Variants in ADARB2 observed in about 807,000 individuals in gnomAD.
The protein encoded by ADARB2 is inactive double-stranded RNA-specific editase B2.
ADARB2 carries 25 observed loss-of-function variants against 62.2 expected under a neutral mutation model. The observed-to-expected ratio is 0.40, with a 90% CI of 0.29 to 0.56. The LOEUF is 0.56. Among genes scored for constraint, ADARB2 ranks in the 20% least tolerant of loss-of-function variants. ADARB2 has a pLI of 0.43. For missense variants in ADARB2, 1,071 were observed against 1,077.4 expected, an observed-to-expected ratio of 0.99 and a Z score of 0.08; for synonymous variants, 572 against 500.8, an observed-to-expected ratio of 1.14 and a Z score of -1.90.
At chr10:1,630,198 C>T (rs1250497133) in intron 1 of ADARB2, among the ~76,000 whole-genome samples, 1 of 152,214 alleles carries the variant, frequency 6.6e-6, no homozygotes. Context: ...GAAGGGTCCA[C>T]TGTGGCCAGA....
chr10:1,578,381 A>G (rs1833049665), intron 1 of ADARB2, among the ~76,000 whole-genome samples: 1 of 152,276 alleles, frequency 6.6e-6, no homozygotes, highest in African/African-American at 2.4e-5. Context: ...AATTAAAAAT[A>G]TAAACAACTT....
intron 6 of ADARB2, among the ~76,000 whole-genome samples, chr10:1,219,774 G>A (rs374655687): frequency 4.1e-4 from 62 of 151,696 alleles, no homozygotes; most frequent in African/African-American, 1.4e-3. Flanking sequence ...CGGTGGAGAC[G>A]GTGATATGAT....
intron 2 of ADARB2, among the ~76,000 whole-genome samples, chr10:1,377,091 T>G (rs578057192): frequency 4.7e-4 from 61 of 130,132 alleles, no homozygotes; most frequent in Middle Eastern, 9.6e-3. Context: ...GGGGTGTGTG[T>G]GTTTGTGTGC....
intron 1 of ADARB2, among the ~76,000 whole-genome samples, chr10:1,569,733 A>G (rs1257440901): frequency 6.6e-6 from 1 of 152,172 alleles, no homozygotes; most frequent in Non-Finnish European, 1.5e-5. Flanking sequence ...TACTCTAGAC[A>G]CATAGAAATT....
At position 1,217,084 on chromosome 10, in the gene ADARB2, C is replaced by T. The variant is rs748640363; in HGVS notation, c.1549G>A (p.Gly517Arg). 1.4e-5 allele frequency: 22 copies of T among 1,605,952 alleles called. No homozygotes were observed. The East Asian group carries it at 1.6e-4, about 11-fold the overall frequency. The change falls in exon 7 of 10, where the codon GGG becomes AGG. Residue 517 changes from glycine to arginine, a missense_variant. Physicochemically the swap from Gly to Arg is moderately radical, Grantham distance 125. Coordinates refer to ENST00000381312, the MANE Select transcript of ADARB2 (RefSeq NM_018702.4). The part of the protein sequence containing the change: ...SSKHLVRKFR[G>R]HLRTKIESGE... ...GACTCGATCTTGGTGCGCAGGTGCC[C>T]GCGGAACTTCCTGACGAGGTGTTTG...
At chr10:1,374,700 G>T (rs913465311) in intron 2 of ADARB2, among the ~76,000 whole-genome samples, 2 of 152,200 alleles carry the variant, frequency 1.3e-5, no homozygotes, top group African/African-American at 4.8e-5. Context: ...CTGCTGGGCC[G>T]TTTGCACGCC....
chr10:1,639,774 G>A (rs554824559), intron 1 of ADARB2, among the ~76,000 whole-genome samples: 12 of 152,238 alleles, frequency 7.9e-5, no homozygotes, highest in African/African-American at 2.4e-4. Context: ...CCCAGGAGGC[G>A]GAGGTTGCAG....
Position 1,342,055 on chromosome 10 carries a change from A to C in ADARB2, c.1077+20973T>G, listed in dbSNP as rs192057158. ...TTCAGCCAGGTTTTGTCTGGAATTT[A>C]GTCAGAACTATGCTGCAGCTGTGCA... On this transcript the variant is annotated intron_variant, in intron 3 of 9. Coordinates refer to ENST00000381312, the MANE Select transcript of ADARB2 (RefSeq NM_018702.4). Among the ~76,000 whole-genome samples, 193 of 152,342 alleles carry C rather than the reference A, an allele frequency of 1.3e-3. 2 individuals carry two copies. The highest frequency in any genetic ancestry group is 4.4e-3 in the African/African-American group (184 of 41,584).
At chr10:1,675,812 G>A (rs1834460341) in intron 1 of ADARB2, among the ~76,000 whole-genome samples, 1 of 152,080 alleles carries the variant, frequency 6.6e-6, no homozygotes, top group Admixed American at 6.5e-5. Flanking sequence ...AACAAGGGAG[G>A]CCTTTGCAGG....
chr10:1,353,345 G>A (rs188547596), intron 3 of ADARB2, among the ~76,000 whole-genome samples: 5 of 152,168 alleles, frequency 3.3e-5, no homozygotes, highest in African/African-American at 1.2e-4. Flanking sequence ...CCTCCTTAGC[G>A]AACATCCGCT....
intron 3 of ADARB2, among the ~76,000 whole-genome samples, chr10:1,302,992 C>T (rs1831589531): frequency 6.6e-6 from 1 of 152,200 alleles, no homozygotes; most frequent in Admixed American, 6.6e-5. Flanking sequence ...CAAAGGAACA[C>T]AGCTCCTCAC....
chr10:1,507,473 C>T (rs1194599853), intron 1 of ADARB2, among the ~76,000 whole-genome samples: 4 of 152,348 alleles, frequency 2.6e-5, no homozygotes, highest in Admixed American at 6.5e-5. Context: ...CAAGGCCCCT[C>T]GTGAGCACAC....
chr10:1,266,706 A>C (rs1831207959), intron 4 of ADARB2, among the ~76,000 whole-genome samples: 1 of 152,188 alleles, frequency 6.6e-6, no homozygotes, highest in African/African-American at 2.4e-5. Context: ...GAGAGCCATC[A>C]GCAGGACACG....
At chr10:1,488,620 T>G (rs4880510) in intron 1 of ADARB2, among the ~76,000 whole-genome samples, 20,345 of 152,036 alleles carry the variant, frequency 0.13, 1,935 homozygotes, top group East Asian at 0.35. Context: ...CCCCATGAAA[T>G]AGCCTAACAC....
chr10:1,707,045 GA>G (rs1171186266), intron 1 of ADARB2, among the ~76,000 whole-genome samples: 1 of 152,210 alleles, frequency 6.6e-6, no homozygotes, highest in Non-Finnish European at 1.5e-5. Flanking sequence ...ACACCCCACA[GA>G]AAAAGTTTAG....
intron 1 of ADARB2, among the ~76,000 whole-genome samples, chr10:1,657,671 T>G (rs1834188531): frequency 6.6e-6 from 1 of 152,126 alleles, no homozygotes; most frequent in Non-Finnish European, 1.5e-5. Context: ...GGTCCAAGGA[T>G]GTAAATGCAG....
At chr10:1,394,308 A>C (rs1832593243) in intron 1 of ADARB2, among the ~76,000 whole-genome samples, 1 of 152,098 alleles carries the variant, frequency 6.6e-6, no homozygotes, top group Non-Finnish European at 1.5e-5. Context: ...TGTTCCTCTG[A>C]TCCACTTAAC....
At chr10:1,509,163 A>G (rs533120540) in intron 1 of ADARB2, among the ~76,000 whole-genome samples, 4 of 152,290 alleles carry the variant, frequency 2.6e-5, no homozygotes, top group African/African-American at 7.2e-5. Context: ...ACTAACAGCA[A>G]CAGTATGTTG....
rs544959448 is a variant in ADARB2 at position 1,401,785 on chromosome 10, C to T, written c.101-22625G>A. ...GAGCCACTGAGCAAGCAGTTTCTTG[C>T]TTGTCTTTAGAAAACTGCAGCGAGG... On this transcript the variant is annotated intron_variant, in intron 1 of 9. Transcript: ENST00000381312. Among the ~76,000 whole-genome samples, 6 of 152,264 alleles carry T rather than the reference C, an allele frequency of 3.9e-5. No homozygotes were observed. The South Asian group carries it at 8.3e-4, about 21-fold the overall frequency.
Sources: gnomAD v4.1 joint callset for allele counts (sites outside exome capture counted in the v4.1 genomes callset) on GRCh38, gnomAD v4.1.1 for gene constraint, MANE v1.5 for transcripts, NCBI Gene and HGNC (gene_info 2026-07-23, HGNC 2026-07-21) for gene names.